Variants in LARS1 observed in about 807,000 individuals in gnomAD.
The protein encoded by LARS1 is leucyl-tRNA synthetase 1, also known as leucine--tRNA ligase, cytoplasmic.
A neutral mutation model predicts 162.8 loss-of-function variants in LARS1; 100 were observed. The ratio of observed to expected loss-of-function variants is 0.61; its 90% CI spans 0.52 to 0.73. The LOEUF is 0.73. LARS1 is among the 30% of genes least tolerant of loss of function. LARS1 has a pLI of 0.00. For missense variants in LARS1, 1,258 were observed against 1,408.9 expected (o/e 0.89, Z 1.71); for synonymous variants, 457 against 462.8 (o/e 0.99, Z 0.16).
In LARS1 at chr5:146,133,098, AAATT is replaced by A. The variant is rs754518111; in HGVS notation, c.2213-21_2213-18del. On this transcript the variant is annotated intron_variant, in intron 22 of 31. Transcript: ENST00000394434. ...AACGCATTCCTGGAAGAAGAAAAAAAAATTCAATGCATTAAAAATATGGTTACTG... is the reference window on the plus strand; with the variant it reads ...AACGCATTCCTGGAAGAAGAAAAAAACAATGCATTAAAAATATGGTTACTG... 1.5e-5 allele frequency: 24 copies of A among 1,611,382 alleles called. No homozygotes were observed. In the South Asian group the frequency reaches 2.5e-4, roughly 17 times the overall value.
chr5:146,182,351 GTC>G, intron 1 of LARS1, 135 bp downstream of exon 1: 2 of 1,128,908 alleles, frequency 1.8e-6, no homozygotes, highest in South Asian at 2.5e-5. Context: ...AAAAAGCAAA[GTC>G]TCTACGAAAG....
chr5:146,156,578 C>T (rs1753538936), intron 10 of LARS1, among the ~76,000 whole-genome samples: 1 of 151,898 alleles, frequency 6.6e-6, no homozygotes, highest in Non-Finnish European at 1.5e-5. Context: ...ACCTGTAATC[C>T]CAGCTACTCA....
Position 146,153,756 on chromosome 5 carries a change from A to C in LARS1, c.1208T>G (p.Leu403Arg), listed in dbSNP as rs771801725. The C allele has an allele frequency of 1.9e-6, 3 of 1,614,010 alleles. No individual in the cohort carries two copies. The highest frequency in any genetic ancestry group is 4.5e-5 in the East Asian group (2 of 44,850). The change falls in exon 12 of 32, where the codon CTC becomes CGC. Residue 403 changes from leucine to arginine, a missense_variant. Coordinates refer to ENST00000394434, the MANE Select transcript of LARS1 (RefSeq NM_020117.11). ...TACTTGCTTTTTCTTCAAGTCTCTG[A>C]GGGCAGCAATATCATCAGGGGAGTC... The part of the protein sequence containing the change: ...PSDSPDDIAA[L>R]RDLKKKQALR...
intron 5 of LARS1, among the ~76,000 whole-genome samples, chr5:146,166,997 T>C (rs1168616542): frequency 6.6e-6 from 1 of 152,234 alleles, no homozygotes; most frequent in Non-Finnish European, 1.5e-5. Flanking sequence ...CTAATAGTCT[T>C]CCTCCAAATC....
rs1752213505 is a variant in LARS1 at position 146,130,099 on chromosome 5, G to C, written c.2547C>G (p.Phe849Leu). Reference protein sequence around the residue: ...AVEGMHRELVFRFIEVQTLLL... With the variant: ...AVEGMHRELVLRFIEVQTLLL... ...GAAGTGTCTGAACTTCAATAAACCG[G>C]AACACAAGTTCTCTGTGCATCCCTT... Residue 849 changes from phenylalanine (F) to leucine (L), a missense_variant, in exon 25 of 32, where the codon TTC (phenylalanine) becomes TTG (leucine). Physicochemically the swap from Phe to Leu is conservative, Grantham distance 22. Coordinates refer to ENST00000394434, the MANE Select transcript of LARS1 (RefSeq NM_020117.11). 6.2e-7 allele frequency: 1 copy of C among 1,613,868 alleles called. No individual in the cohort carries two copies. Among genetic ancestry groups the C allele is most frequent in the African/African-American group, 1.3e-5 (1 of 75,022 alleles).
At chr5:146,143,154 G>T in intron 19 of LARS1, 70 bp from the exon 20 acceptor site, 1 of 902,308 alleles carries the variant, frequency 1.1e-6, no homozygotes, top group Non-Finnish European at 1.6e-6. Context: ...ATCAGTACCT[G>T]AATCGAAACA....
At chr5:146,173,164 A>G (rs765740910) in intron 2 of LARS1, among the ~76,000 whole-genome samples, 8 of 152,078 alleles carry the variant, frequency 5.3e-5, no homozygotes, top group Non-Finnish European at 8.8e-5. Context: ...CCTGGGCAAC[A>G]TGGTGAAACC....
At position 146,115,792 on chromosome 5, in the gene LARS1, A is replaced by T. The variant is rs375669694; in HGVS notation, c.3326-1481T>A. ...TGGGTTTATATCTCATTCGAAGTGTAGCATGGCTAGTTATCCTTAACCTGA... is the reference window on the plus strand; with the variant it reads ...TGGGTTTATATCTCATTCGAAGTGTTGCATGGCTAGTTATCCTTAACCTGA... On this transcript the variant is annotated intron_variant, in intron 31 of 31. Transcript: ENST00000394434. Among the ~76,000 whole-genome samples, 3 of 152,308 alleles carry T rather than the reference A, an allele frequency of 2.0e-5. No individual in the cohort carries two copies. In the East Asian group the frequency reaches 5.8e-4, roughly 29 times the overall value.
intron 14 of LARS1, among the ~76,000 whole-genome samples, chr5:146,151,108 G>A (rs1753268116): frequency 6.6e-6 from 1 of 152,078 alleles, no homozygotes; most frequent in Non-Finnish European, 1.5e-5. Flanking sequence ...CCGTAAATTG[G>A]AGATAAGAGT....
chr5:146,144,615 G>GTA lies in LARS1; in HGVS notation c.1589+8_1589+9insTA. ...GACTAGGGGAATTTTCTTGCTATAA[G>GTA]AGACTAACCACTGGTCACACAGAGC... On this transcript the variant is annotated intron_variant, in intron 16 of 31. Coordinates refer to ENST00000394434, the MANE Select transcript of LARS1 (RefSeq NM_020117.11). The GTA allele has an allele frequency of 6.2e-7, 1 of 1,613,834 alleles. No individual in the cohort carries two copies. The highest frequency in any genetic ancestry group is 1.1e-5 in the South Asian group (1 of 91,070).
chr5:146,134,579 G>A (rs1462077349), intron 22 of LARS1, among the ~76,000 whole-genome samples: 2 of 152,176 alleles, frequency 1.3e-5, no homozygotes, highest in East Asian at 3.9e-4. Flanking sequence ...ATAATAAAAT[G>A]TAATAGGACT....
chr5:146,150,846 G>A (rs929585852), intron 14 of LARS1, among the ~76,000 whole-genome samples: 3 of 151,636 alleles, frequency 2.0e-5, no homozygotes, highest in Non-Finnish European at 4.4e-5. Flanking sequence ...GTCTGAGGCA[G>A]GAGAATCGCT....
intron 5 of LARS1, 88 bp downstream of exon 5, chr5:146,168,040 G>A (rs1353752692): frequency 8.1e-6 from 9 of 1,105,908 alleles, no homozygotes; most frequent in African/African-American, 4.7e-5. Flanking sequence ...CATTTTATGT[G>A]TTGGGCACTG....
chr5:146,115,864 T>C (rs1196209262), intron 31 of LARS1, among the ~76,000 whole-genome samples: 1 of 152,234 alleles, frequency 6.6e-6, no homozygotes, highest in African/African-American at 2.4e-5. Context: ...CATTTCTTTC[T>C]GAAACACACC....
intron 8 of LARS1, among the ~76,000 whole-genome samples, chr5:146,158,988 C>T (rs1241748873): frequency 6.6e-6 from 1 of 151,424 alleles, no homozygotes; most frequent in East Asian, 1.9e-4. Flanking sequence ...CCCAGCTACT[C>T]GGGAGGCTGA....
At chr5:146,127,051 C>A (rs1223385898) in intron 27 of LARS1, among the ~76,000 whole-genome samples, 1 of 151,974 alleles carries the variant, frequency 6.6e-6, no homozygotes, top group Non-Finnish European at 1.5e-5. Context: ...TGAGTACAAT[C>A]CAAGTGTGCT....
At chr5:146,139,872 C>A (rs1476206884) in intron 21 of LARS1, among the ~76,000 whole-genome samples, 155 of 83,358 alleles carry the variant, frequency 1.9e-3, no homozygotes, top group Middle Eastern at 0.01. Context: ...GACTCCGTCT[C>A]AAAAAAAAAA....
chr5:146,117,824 CA>C (rs1458309071), intron 31 of LARS1, among the ~76,000 whole-genome samples: 1 of 151,966 alleles, frequency 6.6e-6, no homozygotes, highest in Non-Finnish European at 1.5e-5. Context: ...AAGCTAGACA[CA>C]AAAGGAAAAA....
chr5:146,160,328 G>T, intron 7 of LARS1, 46 bp downstream of exon 7: 1 of 1,087,194 alleles, frequency 9.2e-7, no homozygotes, highest in Non-Finnish European at 1.3e-6. Flanking sequence ...GAGCCTCTGT[G>T]CCCAACTGAT....
Sources: gnomAD v4.1 joint callset for allele counts (sites outside exome capture counted in the v4.1 genomes callset) on GRCh38, gnomAD v4.1.1 for gene constraint, MANE v1.5 for transcripts, NCBI Gene and HGNC (gene_info 2026-07-23, HGNC 2026-07-21) for gene names.